The following RANBP2 variants were observed in gnomAD, a reference collection of about 807,000 sequenced individuals.
RANBP2 encodes E3 SUMO-protein ligase RanBP2.
RANBP2 carries 57 observed loss-of-function variants against 303.6 expected under a neutral mutation model. The observed-to-expected ratio is 0.19, with a 90% CI of 0.15 to 0.23. The LOEUF (loss-of-function observed/expected upper bound fraction) is 0.23. RANBP2 is among the 10% of genes least tolerant of loss of function. The pLI is 1.00. For missense variants in RANBP2, 3,138 were observed against 3,780.8 expected, an observed-to-expected ratio of 0.83 and a Z score of 4.46; for synonymous variants, 1,167 against 1,301.5, an observed-to-expected ratio of 0.90 and a Z score of 2.23.
chr2:108,967,753 G>C, the RANBP2 span, among the ~76,000 whole-genome samples: 1 of 152,074 alleles, frequency 6.6e-6, no homozygotes, highest in African/African-American at 2.4e-5. Context: ...GGAAAAACTA[G>C]ACGGTGGATT....
the RANBP2 span, among the ~76,000 whole-genome samples, chr2:109,253,174 C>T: frequency 8.1e-4 from 123 of 152,158 alleles, no homozygotes; most frequent in African/African-American, 2.9e-3. Flanking sequence ...ATTACAGCTA[C>T]GTGCCACCAT....
chr2:109,358,253 T>G, the RANBP2 span, among the ~76,000 whole-genome samples: 6 of 152,246 alleles, frequency 3.9e-5, no homozygotes, highest in Non-Finnish European at 8.8e-5. Context: ...CATTGAGTAA[T>G]ATGCCATTAT....
chr2:108,949,643 T>C, the RANBP2 span, among the ~76,000 whole-genome samples: 3 of 152,186 alleles, frequency 2.0e-5, no homozygotes, highest in African/African-American at 7.2e-5. Flanking sequence ...AACATAATCA[T>C]CTGAGGTTGG....
the RANBP2 span, among the ~76,000 whole-genome samples, chr2:109,595,488 T>G: frequency 1.9e-4 from 29 of 152,206 alleles, no homozygotes; most frequent in Non-Finnish European, 2.9e-4. Flanking sequence ...CACGTCCCTC[T>G]AGTCTGTAGG....
At chr2:109,229,557 C>T in the RANBP2 span, among the ~76,000 whole-genome samples, 1 of 152,060 alleles carries the variant, frequency 6.6e-6, no homozygotes, top group East Asian at 1.9e-4. Flanking sequence ...GGGATGTGGG[C>T]TCTGAATTGG....
the RANBP2 span, among the ~76,000 whole-genome samples, chr2:109,468,547 A>C: frequency 1.2e-3 from 188 of 152,212 alleles, no homozygotes; most frequent in Non-Finnish European, 1.1e-3. Flanking sequence ...ACAAACGATG[A>C]CCAGTCAGGA....
At chr2:109,249,543 C>T in the RANBP2 span, among the ~76,000 whole-genome samples, 4 of 110,372 alleles carry the variant, frequency 3.6e-5, no homozygotes, top group African/African-American at 1.5e-4. Flanking sequence ...TTCCTTCCTT[C>T]CTTCCTTCCT....
At chr2:109,045,303 T>A in the RANBP2 span, among the ~76,000 whole-genome samples, 1 of 152,098 alleles carries the variant, frequency 6.6e-6, no homozygotes, top group African/African-American at 2.4e-5. Context: ...TACAGATAGG[T>A]CACAAAACAC....
the RANBP2 span, among the ~76,000 whole-genome samples, chr2:109,445,318 C>CCTG: frequency 1.3e-5 from 2 of 152,282 alleles, no homozygotes; most frequent in South Asian, 4.1e-4. Flanking sequence ...CTCAAGTCCT[C>CCTG]ACACAGAAAG....
the RANBP2 span, among the ~76,000 whole-genome samples, chr2:109,232,782 T>G: frequency 6.6e-6 from 1 of 152,224 alleles, no homozygotes; most frequent in Admixed American, 6.5e-5. Flanking sequence ...AAGGGTCCCC[T>G]AAACACAGCT....
the RANBP2 span, among the ~76,000 whole-genome samples, chr2:109,671,278 G>A: frequency 2.0e-5 from 3 of 152,210 alleles, no homozygotes; most frequent in African/African-American, 7.2e-5. Context: ...AGTGGTAGGA[G>A]GTGGCCAGCT....
At chr2:109,556,376 T>C in the RANBP2 span, among the ~76,000 whole-genome samples, 1 of 152,212 alleles carries the variant, frequency 6.6e-6, no homozygotes, top group Non-Finnish European at 1.5e-5. Context: ...ATCTTATTAA[T>C]CTTAAATTTT....
At chr2:109,162,508 C>CA in the RANBP2 span, among the ~76,000 whole-genome samples, 1 of 152,196 alleles carries the variant, frequency 6.6e-6, no homozygotes, top group Non-Finnish European at 1.5e-5. Context: ...TGGTGTGCTG[C>CA]ACCCATTAAC....
At chr2:109,035,304 C>T in the RANBP2 span, among the ~76,000 whole-genome samples, 1,371 of 152,176 alleles carry the variant, frequency 9.0e-3, 17 homozygotes, top group African/African-American at 0.032. Flanking sequence ...ACTGCTGGTT[C>T]CCCCAAGATG....
chr2:108,866,859 G>A, the RANBP2 span, among the ~76,000 whole-genome samples: 5 of 151,812 alleles, frequency 3.3e-5, no homozygotes, highest in African/African-American at 1.2e-4. Context: ...CTCCAGCCTG[G>A]GCGACAGAGT....
chr2:109,050,261 C>CT, the RANBP2 span, among the ~76,000 whole-genome samples: 2,233 of 147,314 alleles, frequency 0.015, 53 homozygotes, highest in African/African-American at 0.053. Flanking sequence ...TTTCTTTTTA[C>CT]TTTTTTTTTT....
the RANBP2 span, among the ~76,000 whole-genome samples, chr2:108,854,707 G>C: frequency 6.6e-6 from 1 of 152,100 alleles, no homozygotes; most frequent in Non-Finnish European, 1.5e-5. Flanking sequence ...GGCTGGGCTC[G>C]GCTGGGCTTG....
the RANBP2 span, among the ~76,000 whole-genome samples, chr2:109,007,450 G>C: frequency 1.3e-5 from 2 of 152,206 alleles, no homozygotes; most frequent in African/African-American, 4.8e-5. Context: ...AGTACTTTCA[G>C]GGTGAGGTTG....
chr2:108,869,053 T>C, the RANBP2 span, among the ~76,000 whole-genome samples: 36 of 152,088 alleles, frequency 2.4e-4, no homozygotes, highest in Non-Finnish European at 4.9e-4. Context: ...TGAAGAAAAT[T>C]TTTTTTTCAT....
Sources: gnomAD v4.1 joint callset for allele counts (sites outside exome capture counted in the v4.1 genomes callset) on GRCh38, gnomAD v4.1.1 for gene constraint, MANE v1.5 for transcripts, NCBI Gene and HGNC (gene_info 2026-07-23, HGNC 2026-07-21) for gene names.